The following EDIL3 variants were observed in gnomAD, a reference collection of about 807,000 sequenced individuals.
EDIL3 encodes the protein EGF-like repeat and discoidin I-like domain-containing protein 3.
EDIL3 carries 37 observed loss-of-function variants against 67.4 expected under a neutral mutation model. The observed-to-expected ratio is 0.55, with a 90% CI of 0.42 to 0.72. The LOEUF (loss-of-function observed/expected upper bound fraction) is 0.72, where lower values mean the gene tolerates loss of function less well. Among genes scored for constraint, EDIL3 ranks in the 30% least tolerant of loss-of-function variants. The pLI, the probability that EDIL3 is intolerant of heterozygous loss-of-function variation, is 0.00. For missense variants in EDIL3, 527 were observed against 586.3 expected, an observed-to-expected ratio of 0.90 and a Z score of 1.04; for synonymous variants, 195 against 196.3, an observed-to-expected ratio of 0.99 and a Z score of 0.05.
chr5:84,282,605 T>A (rs1014458627), intron 1 of EDIL3, among the ~76,000 whole-genome samples: 61 of 152,208 alleles, frequency 4.0e-4, no homozygotes, highest in African/African-American at 1.4e-3. Context: ...AAAATTTATT[T>A]TGGATATGTA....
At chr5:84,272,590 T>G (rs193156162) in intron 1 of EDIL3, among the ~76,000 whole-genome samples, 131 of 152,230 alleles carry the variant, frequency 8.6e-4, no homozygotes, top group Non-Finnish European at 1.3e-3. Flanking sequence ...GGCCTTAATA[T>G]CAGCATTTCA....
intron 5 of EDIL3, among the ~76,000 whole-genome samples, chr5:84,136,217 T>A (rs1343720995): frequency 6.6e-6 from 1 of 152,142 alleles, no homozygotes; most frequent in East Asian, 1.9e-4. Context: ...TAAATAGCTG[T>A]GAAAGCTTGG....
At chr5:84,082,772 G>GT (rs1339102621) in intron 6 of EDIL3, among the ~76,000 whole-genome samples, 1 of 151,898 alleles carries the variant, frequency 6.6e-6, no homozygotes, top group Non-Finnish European at 1.5e-5. Context: ...CAAAAAATGT[G>GT]TATCAATAAA....
Position 84,359,491 on chromosome 5 carries a change from T to C in EDIL3, c.67+24817A>G, listed in dbSNP as rs112475657. Among the ~76,000 whole-genome samples the C allele has an allele frequency of 2.4e-3, 363 of 152,344 alleles. 1 individual carries two copies. The highest frequency in any genetic ancestry group is 8.5e-3 in the African/African-American group (354 of 41,580). On this transcript the variant is annotated intron_variant, in intron 1 of 10. Coordinates refer to ENST00000296591, the MANE Select transcript of EDIL3 (RefSeq NM_005711.5). ...AATGGCTTACATGGTTCATGCATGA[T>C]TGCAATTTTAAATGGGTTGGGAATC...
At chr5:84,126,533 T>C (rs1340768343) in intron 5 of EDIL3, among the ~76,000 whole-genome samples, 1 of 152,110 alleles carries the variant, frequency 6.6e-6, no homozygotes, top group Non-Finnish European at 1.5e-5. Flanking sequence ...CTACTATAGT[T>C]TCATATTAGT....
At chr5:84,134,097 T>C (rs1748046632) in intron 5 of EDIL3, among the ~76,000 whole-genome samples, 1 of 152,112 alleles carries the variant, frequency 6.6e-6, no homozygotes, top group South Asian at 2.1e-4. Context: ...CAGGTCATAA[T>C]AGAGTTAGAT....
intron 9 of EDIL3, among the ~76,000 whole-genome samples, chr5:83,990,655 T>C (rs1459396329): frequency 6.6e-6 from 1 of 151,558 alleles, no homozygotes; most frequent in East Asian, 2.0e-4. Context: ...CTGAGGTGGG[T>C]GGATTAATTG....
At chr5:84,098,478 C>T (rs1580325970) in intron 6 of EDIL3, among the ~76,000 whole-genome samples, 2 of 151,930 alleles carry the variant, frequency 1.3e-5, no homozygotes, top group African/African-American at 2.4e-5. Context: ...TTTAATCTTA[C>T]AAAATTGATA....
At chr5:84,006,332 C>G (rs1745414528) in intron 9 of EDIL3, among the ~76,000 whole-genome samples, 1 of 148,196 alleles carries the variant, frequency 6.7e-6, no homozygotes, top group Non-Finnish European at 1.5e-5. Context: ...AATTAGAACA[C>G]TATGCAGCCA....
At chr5:84,355,713 T>G (rs569028659) in intron 1 of EDIL3, among the ~76,000 whole-genome samples, 2 of 152,226 alleles carry the variant, frequency 1.3e-5, no homozygotes, top group Admixed American at 1.3e-4. Flanking sequence ...CTGTATGAGG[T>G]GTCTGTCGAC....
At chr5:84,029,894 C>A (rs1407315597) in intron 9 of EDIL3, among the ~76,000 whole-genome samples, 1 of 152,056 alleles carries the variant, frequency 6.6e-6, no homozygotes, top group Non-Finnish European at 1.5e-5. Context: ...GCTAATGATA[C>A]CATATTCTAT....
At chr5:84,215,278 G>C (rs553783872) in intron 3 of EDIL3, among the ~76,000 whole-genome samples, 1 of 152,034 alleles carries the variant, frequency 6.6e-6, no homozygotes, top group Non-Finnish European at 1.5e-5. Flanking sequence ...TCTTGAGACG[G>C]AGTTTTGCTC....
intron 3 of EDIL3, among the ~76,000 whole-genome samples, chr5:84,197,390 A>G (rs1229076251): frequency 6.6e-6 from 1 of 151,952 alleles, no homozygotes; most frequent in Non-Finnish European, 1.5e-5. Flanking sequence ...GGTGAGTTAG[A>G]GGTTTTCAGA....
At chr5:84,311,568 AT>A (rs577144200) in intron 1 of EDIL3, among the ~76,000 whole-genome samples, 16 of 142,786 alleles carry the variant, frequency 1.1e-4, no homozygotes, top group South Asian at 6.6e-4. Context: ...TTTTTTTTTT[AT>A]TTTTTTTTTA....
At chr5:83,945,270 A>G (rs1744291691) in intron 10 of EDIL3, among the ~76,000 whole-genome samples, 1 of 152,026 alleles carries the variant, frequency 6.6e-6, no homozygotes, top group Non-Finnish European at 1.5e-5. Flanking sequence ...TACAGGACAT[A>G]TCATAAACAC....
At chr5:84,034,754 C>A (rs1327624283) in intron 9 of EDIL3, among the ~76,000 whole-genome samples, 3 of 152,040 alleles carry the variant, frequency 2.0e-5, no homozygotes, top group African/African-American at 7.2e-5. Flanking sequence ...ATTCATAGAT[C>A]CAGCTAATAA....
intron 3 of EDIL3, among the ~76,000 whole-genome samples, chr5:84,209,637 A>T (rs1474728743): frequency 6.8e-6 from 1 of 148,012 alleles, no homozygotes; most frequent in African/African-American, 2.6e-5. Context: ...AAACTTATTA[A>T]AAAAAAAAGA....
intron 3 of EDIL3, among the ~76,000 whole-genome samples, chr5:84,226,868 G>GA (rs931848450): frequency 2.0e-5 from 3 of 151,842 alleles, no homozygotes; most frequent in Admixed American, 6.6e-5. Context: ...GTATTTTGAA[G>GA]AAAAAATGTT....
intron 3 of EDIL3, among the ~76,000 whole-genome samples, chr5:84,191,601 T>C (rs1042305987): frequency 4.6e-5 from 7 of 152,114 alleles, no homozygotes; most frequent in Middle Eastern, 3.4e-3. Flanking sequence ...AGAATTCTGT[T>C]AAGTGAGCAT....
Sources: gnomAD v4.1 joint callset for allele counts (sites outside exome capture counted in the v4.1 genomes callset) on GRCh38, gnomAD v4.1.1 for gene constraint, MANE v1.5 for transcripts, NCBI Gene and HGNC (gene_info 2026-07-23, HGNC 2026-07-21) for gene names.